The following PRKCE variants were observed in gnomAD, a reference collection of about 807,000 sequenced individuals.
PRKCE encodes the protein protein kinase C epsilon, also known as protein kinase C epsilon type.
Under a neutral mutation model 85.4 loss-of-function variants are expected in PRKCE, and 16 were observed. The observed-to-expected ratio is 0.19, with a 90% confidence interval of 0.13 to 0.28. The LOEUF (loss-of-function observed/expected upper bound fraction) is 0.28. Among genes scored for constraint, PRKCE ranks in the 10% least tolerant of loss-of-function variants. The probability of loss-of-function intolerance (pLI) is 1.00; values close to 1 mark genes in which losing one functional copy is unlikely to be tolerated. For missense variants in PRKCE, 573 were observed against 975.2 expected (o/e 0.59, Z 5.49); for synonymous variants, 388 against 371.5 (o/e 1.04, Z -0.51).
intron 1 of PRKCE, among the ~76,000 whole-genome samples, chr2:45,756,064 A>G (rs745414893): frequency 2.0e-5 from 3 of 152,224 alleles, no homozygotes; most frequent in South Asian, 4.1e-4. Flanking sequence ...TAGACACACA[A>G]TGAACTGCCA....
rs796642180 is a variant in PRKCE, at chr2:45,813,835, C to G, written c.349-29165C>G. On this transcript the variant is annotated intron_variant, in intron 1 of 14. Transcript: ENST00000306156. ...AGCTGATGTAAAGTGCCCAACACAG[C>G]CCACAGGGCATGTGTTCCAGATTGC... Among the ~76,000 whole-genome samples, 14 of 152,346 alleles carry G rather than the reference C, an allele frequency of 9.2e-5. 1 individual carries two copies. Among genetic ancestry groups the G allele is most frequent in the African/African-American group, 3.4e-4 (14 of 41,576 alleles).
At chr2:46,114,874 C>T (rs192432473) in intron 11 of PRKCE, among the ~76,000 whole-genome samples, 33 of 152,082 alleles carry the variant, frequency 2.2e-4, no homozygotes, top group African/African-American at 7.2e-4. Flanking sequence ...ATTACTTAAG[C>T]CAAGAAAAAG....
chr2:45,726,764 G>C (rs1465484577), intron 1 of PRKCE, among the ~76,000 whole-genome samples: 2 of 152,144 alleles, frequency 1.3e-5, no homozygotes, highest in Admixed American at 6.6e-5. Flanking sequence ...CTGGGAGCCT[G>C]TGGCTACTGA....
intron 10 of PRKCE, among the ~76,000 whole-genome samples, chr2:46,024,970 T>C (rs947720350): frequency 6.6e-6 from 1 of 152,150 alleles, no homozygotes; most frequent in Non-Finnish European, 1.5e-5. Flanking sequence ...TGGGAGAGCT[T>C]CTTAAAGATC....
intron 12 of PRKCE, among the ~76,000 whole-genome samples, chr2:46,147,325 T>C (rs1472983846): frequency 6.6e-6 from 1 of 152,236 alleles, no homozygotes; most frequent in Non-Finnish European, 1.5e-5. Context: ...TCTAAGTTGA[T>C]GCCATCATTC....
At chr2:45,968,376 A>G (rs1036263596) in intron 2 of PRKCE, among the ~76,000 whole-genome samples, 1 of 152,242 alleles carries the variant, frequency 6.6e-6, no homozygotes, top group Non-Finnish European at 1.5e-5. Flanking sequence ...TAACTCAGGA[A>G]TTGAAAACCA....
intron 1 of PRKCE, among the ~76,000 whole-genome samples, chr2:45,806,166 T>A (rs180890438): frequency 6.6e-6 from 1 of 152,310 alleles, no homozygotes; most frequent in East Asian, 1.9e-4. Context: ...AATCTACATC[T>A]ACATCCTTGA....
At chr2:45,849,877 T>C (rs1243969876) in intron 2 of PRKCE, among the ~76,000 whole-genome samples, 1 of 152,200 alleles carries the variant, frequency 6.6e-6, no homozygotes, top group Non-Finnish European at 1.5e-5. Flanking sequence ...TTTTTGGTCC[T>C]GATGGAATAA....
chr2:46,079,631 C>T (rs1366061112), intron 10 of PRKCE, among the ~76,000 whole-genome samples: 2 of 152,198 alleles, frequency 1.3e-5, no homozygotes, highest in African/African-American at 4.8e-5. Context: ...TGTTCCAAGC[C>T]TGGTCTTTAG....
intron 2 of PRKCE, among the ~76,000 whole-genome samples, chr2:45,880,804 T>C (rs1694824055): frequency 6.6e-6 from 1 of 152,198 alleles, no homozygotes; most frequent in Non-Finnish European, 1.5e-5. Context: ...ACTTTCGTTA[T>C]CATAGATCAG....
chr2:45,801,568 ATG>A lies in PRKCE; in HGVS notation c.349-41430_349-41429del, dbSNP rs1320286029. On this transcript the variant is annotated intron_variant, in intron 1 of 14. Transcript: ENST00000306156. ...TGCCCAGGTTTCCAGCTCAGGTGATATGTCCTAAACTCTGCACAGTCAGGCTT... is the reference window on the plus strand; with the variant it reads ...TGCCCAGGTTTCCAGCTCAGGTGATATCCTAAACTCTGCACAGTCAGGCTT... 9.2e-5 allele frequency among the ~76,000 whole-genome samples: 14 copies of A among 152,192 alleles called. No individual in the cohort carries two copies. In the East Asian group the frequency reaches 2.7e-3, roughly 29 times the overall value.
intron 1 of PRKCE, among the ~76,000 whole-genome samples, chr2:45,769,878 C>A (rs1469304280): frequency 3.3e-5 from 5 of 152,212 alleles, no homozygotes; most frequent in Admixed American, 1.3e-4. Context: ...GAGGAGGAAC[C>A]CTTCTGAGAA....
chr2:45,684,463 C>T (rs1290127577), intron 1 of PRKCE, among the ~76,000 whole-genome samples: 1 of 152,236 alleles, frequency 6.6e-6, no homozygotes. Flanking sequence ...TATATTCTGC[C>T]TTGCGGCATA....
intron 6 of PRKCE, among the ~76,000 whole-genome samples, chr2:45,995,058 C>G (rs773260145): frequency 3.9e-5 from 6 of 152,202 alleles, no homozygotes; most frequent in Non-Finnish European, 8.8e-5. Flanking sequence ...AGCATCTTCT[C>G]CTATGCTTAT....
At chr2:45,955,541 TG>T (rs1330534390) in intron 2 of PRKCE, among the ~76,000 whole-genome samples, 10 of 152,222 alleles carry the variant, frequency 6.6e-5, no homozygotes, top group African/African-American at 2.2e-4. Flanking sequence ...CCAGGCATGC[TG>T]GGCTGGTGGT....
chr2:45,827,056 A>G (rs61471257), intron 1 of PRKCE, among the ~76,000 whole-genome samples: 63,894 of 152,004 alleles, frequency 0.42, 13,944 homozygotes, highest in Middle Eastern at 0.54. Flanking sequence ...CTGGCTTCCC[A>G]TCTCACTCAC....
chr2:45,769,481 C>T (rs1685150970), intron 1 of PRKCE, among the ~76,000 whole-genome samples: 1 of 152,148 alleles, frequency 6.6e-6, no homozygotes, highest in African/African-American at 2.4e-5. Flanking sequence ...CATTCATGCA[C>T]AATCGCTGGC....
intron 2 of PRKCE, among the ~76,000 whole-genome samples, chr2:45,859,290 A>G (rs1205694288): frequency 6.6e-6 from 1 of 152,032 alleles, no homozygotes; most frequent in African/African-American, 2.4e-5. Flanking sequence ...ATAGTATATT[A>G]TGGGGGTGTC....
At chr2:46,042,115 T>C (rs1385332393) in intron 10 of PRKCE, among the ~76,000 whole-genome samples, 1 of 152,138 alleles carries the variant, frequency 6.6e-6, no homozygotes, top group Non-Finnish European at 1.5e-5. Context: ...AAAGAGTCGG[T>C]TAATGTGAAA....
Sources: allele counts gnomAD v4.1 joint callset (sites outside exome capture counted in the v4.1 genomes callset), GRCh38; gene constraint gnomAD v4.1.1; transcripts MANE v1.5; gene names NCBI Gene and HGNC (gene_info 2026-07-23, HGNC 2026-07-21).